Variants in SCHIP1 observed in about 807,000 individuals in gnomAD.
The protein encoded by SCHIP1 is schwannomin-interacting protein 1.
SCHIP1 carries 8 observed loss-of-function variants against 29.7 expected under a neutral mutation model. That is an observed-to-expected ratio of 0.27 (90% CI 0.16 to 0.49). The LOEUF (loss-of-function observed/expected upper bound fraction) is 0.49, where lower values mean the gene tolerates loss of function less well. Ranked by LOEUF, SCHIP1 falls within the 20% of genes least tolerant of loss-of-function variation. SCHIP1 has a pLI of 0.99. For missense variants in SCHIP1, 193 were observed against 294.6 expected (o/e 0.66, Z 2.52); for synonymous variants, 76 against 94.9 (o/e 0.80, Z 1.16).
At chr3:159,866,190 A>C (rs1313222243) in exon 2 of SCHIP1, 1 of 1,613,644 alleles carries the variant, frequency 6.2e-7, no homozygotes, top group South Asian at 1.1e-5. Context: ...AGAGTCTATC[A>C]GACAGAAGTT....
the SCHIP1 span, among the ~76,000 whole-genome samples, chr3:159,783,565 A>G: frequency 6.6e-6 from 1 of 152,200 alleles, no homozygotes; most frequent in Non-Finnish European, 1.5e-5. Flanking sequence ...GTTGATTTGA[A>G]ATATTTTTAT....
chr3:159,591,875 T>C, the SCHIP1 span, among the ~76,000 whole-genome samples: 2 of 151,854 alleles, frequency 1.3e-5, no homozygotes, highest in Admixed American at 1.3e-4. Context: ...CCATGGCACA[T>C]GTATACCTGT....
At chr3:159,543,023 G>C in the SCHIP1 span, among the ~76,000 whole-genome samples, 167 of 151,230 alleles carry the variant, frequency 1.1e-3, 1 homozygote, top group African/African-American at 3.9e-3. Context: ...ATGACATTAA[G>C]TGTGTATGTG....
At chr3:159,338,970 C>T in the SCHIP1 span, among the ~76,000 whole-genome samples, 28,162 of 151,874 alleles carry the variant, frequency 0.19, 2,782 homozygotes, top group Middle Eastern at 0.28. Context: ...GAGGAAGAAA[C>T]CTAAAATGTG....
the SCHIP1 span, among the ~76,000 whole-genome samples, chr3:159,390,416 T>C: frequency 6.6e-6 from 1 of 152,118 alleles, no homozygotes; most frequent in Non-Finnish European, 1.5e-5. Flanking sequence ...GCTTATCTGT[T>C]ATACATGAAA....
the SCHIP1 span, among the ~76,000 whole-genome samples, chr3:159,499,692 A>T: frequency 2.0e-5 from 3 of 152,248 alleles, no homozygotes; most frequent in Non-Finnish European, 2.9e-5. Flanking sequence ...TATTCAAAAC[A>T]TCTAGTGCAT....
At chr3:159,772,426 A>G in the SCHIP1 span, among the ~76,000 whole-genome samples, 11 of 152,156 alleles carry the variant, frequency 7.2e-5, no homozygotes, top group African/African-American at 2.7e-4. Context: ...TATAGGCGTG[A>G]GCCACCACGC....
At chr3:159,589,807 T>G in the SCHIP1 span, among the ~76,000 whole-genome samples, 1 of 152,090 alleles carries the variant, frequency 6.6e-6, no homozygotes, top group Non-Finnish European at 1.5e-5. Flanking sequence ...TTCTGTCTCA[T>G]TAGATGTCAG....
chr3:159,813,848 A>G, the SCHIP1 span, among the ~76,000 whole-genome samples: 31 of 152,324 alleles, frequency 2.0e-4, no homozygotes, highest in South Asian at 6.2e-3. Flanking sequence ...CCAAGATAAA[A>G]CTAATATGAA....
the SCHIP1 span, among the ~76,000 whole-genome samples, chr3:159,804,412 C>T: frequency 6.6e-6 from 1 of 152,144 alleles, no homozygotes; most frequent in Admixed American, 6.5e-5. Context: ...CTGCTAAGGA[C>T]ATGGTAAGGA....
the SCHIP1 span, among the ~76,000 whole-genome samples, chr3:159,666,072 T>A: frequency 6.6e-6 from 1 of 152,152 alleles, no homozygotes; most frequent in African/African-American, 2.4e-5. Context: ...ATGGAACACC[T>A]TCCTGCTTTA....
the SCHIP1 span, among the ~76,000 whole-genome samples, chr3:159,541,627 A>T: frequency 6.6e-6 from 1 of 152,058 alleles, no homozygotes; most frequent in African/African-American, 2.4e-5. Flanking sequence ...GGGAGACTGG[A>T]TGAGAATAAC....
the SCHIP1 span, among the ~76,000 whole-genome samples, chr3:159,363,218 A>G: frequency 6.6e-6 from 1 of 152,222 alleles, no homozygotes; most frequent in Non-Finnish European, 1.5e-5. Context: ...AGTAGCATCA[A>G]GTGATTCAAA....
intron 2 of SCHIP1, among the ~76,000 whole-genome samples, chr3:159,872,399 G>A (rs2109311809): frequency 6.6e-6 from 1 of 151,990 alleles, no homozygotes; most frequent in East Asian, 1.9e-4. Flanking sequence ...CCCTTTCCAT[G>A]CCTGCCCTTT....
At chr3:159,530,975 G>A in the SCHIP1 span, among the ~76,000 whole-genome samples, 31 of 152,262 alleles carry the variant, frequency 2.0e-4, no homozygotes, top group Non-Finnish European at 3.5e-4. Context: ...ATCCCCAGAA[G>A]TAAAACTCTC....
the SCHIP1 span, among the ~76,000 whole-genome samples, chr3:159,426,623 C>T: frequency 2.0e-5 from 3 of 152,184 alleles, no homozygotes; most frequent in South Asian, 4.1e-4. Flanking sequence ...GAACTGGTAC[C>T]ATTCCTTCTG....
At chr3:159,534,206 T>C in the SCHIP1 span, among the ~76,000 whole-genome samples, 2 of 152,192 alleles carry the variant, frequency 1.3e-5, no homozygotes, top group Non-Finnish European at 2.9e-5. Flanking sequence ...GGTCAGCCTC[T>C]TGCCAAGATA....
At chr3:159,828,387 A>ATATATG in the SCHIP1 span, among the ~76,000 whole-genome samples, 1 of 65,536 alleles carries the variant, frequency 1.5e-5, no homozygotes, top group Non-Finnish European at 3.3e-5. Context: ...ATATATATAT[A>ATATATG]CATATATACG....
the SCHIP1 span, among the ~76,000 whole-genome samples, chr3:159,595,902 C>G: frequency 4.9e-3 from 738 of 152,154 alleles, 4 homozygotes; most frequent in Middle Eastern, 0.034. Context: ...CCAAGGACTT[C>G]ATGACAAAAA....
Sources: allele counts gnomAD v4.1 joint callset (sites outside exome capture counted in the v4.1 genomes callset), GRCh38; gene constraint gnomAD v4.1.1; transcripts MANE v1.5; gene names NCBI Gene and HGNC (gene_info 2026-07-23, HGNC 2026-07-21).